The following NIPA2 variants were observed in gnomAD, a reference collection of about 807,000 sequenced individuals.
The protein encoded by NIPA2 is magnesium transporter NIPA2.
NIPA2 carries 11 observed loss-of-function variants against 29.7 expected under a neutral mutation model. The ratio of observed to expected loss-of-function variants is 0.37; its 90% CI spans 0.23 to 0.61. The LOEUF (loss-of-function observed/expected upper bound fraction) is 0.61. Ranked by LOEUF, NIPA2 falls within the 20% of genes least tolerant of loss-of-function variation. NIPA2 has a pLI of 0.66. For synonymous variants in NIPA2, 183 were observed against 161.9 expected, an observed-to-expected ratio of 1.13 and a Z score of -0.99; for missense variants, 426 against 437.9, an observed-to-expected ratio of 0.97 and a Z score of 0.24.
At chr15:22,862,064 T>TTTTTTTTTTTTTA in intron 7 of NIPA2, among the ~76,000 whole-genome samples, 1 of 147,860 alleles carries the variant, frequency 6.8e-6, no homozygotes, top group South Asian at 2.2e-4. Flanking sequence ...TTTTTTTTTT[T>TTTTTTTTTTTTTA]GAGACAGAGT....
At chr15:22,846,584 A>G (rs1898701804) in intron 3 of NIPA2, among the ~76,000 whole-genome samples, 1 of 152,048 alleles carries the variant, frequency 6.6e-6, no homozygotes, top group African/African-American at 2.4e-5. Context: ...AGGCCGAGGC[A>G]GGCAGATCGC....
chr15:22,858,586 A>G lies in NIPA2; in HGVS notation c.243A>G (p.Pro81=), dbSNP rs372592498. Residue 81 remains proline (P), a synonymous_variant, in exon 6 of 8, where the codon CCA becomes CCG. Coordinates refer to ENST00000337451, the MANE Select transcript of NIPA2 (RefSeq NM_030922.7). ...VANFAAYAFA[P]ATLVTPLGAL... is the part of the protein sequence containing the mutation. ...ACTTCGCTGCGTATGCGTTTGCACC[A>G]GCCACTCTAGTGACTCCACTAGGAG... 39 of 1,609,150 alleles carry G rather than the reference A, an allele frequency of 2.4e-5. No individual in the cohort carries two copies. In the African/African-American group the frequency reaches 3.3e-4, roughly 14 times the overall value.
chr15:22,839,518 A>G (rs1474853758), intron 1 of NIPA2, 137 bp from the exon 2 acceptor site: 1 of 152,234 alleles, frequency 6.6e-6, no homozygotes, highest in African/African-American at 2.4e-5. Flanking sequence ...CTGCCTGTCG[A>G]AGCAGTAGTT....
intron 5 of NIPA2, among the ~76,000 whole-genome samples, chr15:22,853,568 GT>G (rs1207759181): frequency 6.6e-6 from 1 of 151,804 alleles, no homozygotes; most frequent in African/African-American, 2.4e-5. Flanking sequence ...TAGAGACGGG[GT>G]TTCACTGTGT....
In NIPA2 at chr15:22,866,736, C is replaced by G. The variant is rs759086925; in HGVS notation, c.972C>G (p.Leu324=). 5.6e-5 allele frequency: 90 copies of G among 1,613,826 alleles called. No homozygotes were observed. Among genetic ancestry groups the G allele is most frequent in the Non-Finnish European group, 7.5e-5 (88 of 1,179,892 alleles). ...RKDEKAMNGN[L]SNMYEVLNNN... ...ACGAGAAAGCAATGAATGGCAATCT[C>G]TCTAATATGTATGAAGTTCTTAATA... The change falls in exon 8 of 8, where the codon CTC becomes CTG. Residue 324 remains leucine, a synonymous_variant. Coordinates refer to ENST00000337451, the MANE Select transcript of NIPA2 (RefSeq NM_030922.7).
At chr15:22,858,508 C>G in intron 5 of NIPA2, 32 bp from the exon 6 acceptor site, 2 of 1,474,754 alleles carry the variant, frequency 1.4e-6, no homozygotes, top group Non-Finnish European at 1.9e-6. Flanking sequence ...TACATTCTTA[C>G]CTGAGTTTTT....
intron 7 of NIPA2, among the ~76,000 whole-genome samples, chr15:22,862,268 G>C (rs185491359): frequency 2.6e-5 from 4 of 151,150 alleles, no homozygotes; most frequent in Admixed American, 2.6e-4. Flanking sequence ...GGCTGGTCTC[G>C]AATTCCTGAC....
At chr15:22,844,343 A>C (rs892483) in intron 2 of NIPA2, among the ~76,000 whole-genome samples, 1 of 151,700 alleles carries the variant, frequency 6.6e-6, no homozygotes, top group South Asian at 2.1e-4. Flanking sequence ...GGCGGATCAC[A>C]AAGTCAGGAG....
chr15:22,848,234 G>A (rs1223416954), intron 3 of NIPA2, among the ~76,000 whole-genome samples: 2 of 152,158 alleles, frequency 1.3e-5, no homozygotes, highest in South Asian at 2.1e-4. Context: ...TTCGTAGTCC[G>A]TATAACCATT....
rs57513456 is a variant in NIPA2, at chr15:22,862,049, C to CTTTTTTTTTTTTT, written c.448+1263_448+1275dup. Among the ~76,000 whole-genome samples the CTTTTTTTTTTTTT allele has an allele frequency of 1.1e-4, 11 of 103,944 alleles. 1 individual carries two copies. The highest frequency in any genetic ancestry group is 7.6e-4 in the East Asian group (2 of 2,620). The allele number at this position is 103,944 out of a possible 152,430, so 68.2% of individuals were successfully genotyped here. A position where few individuals can be genotyped will look rare whatever the true frequency, so the allele number is the denominator to read the frequency against. ...ACCATGCCTCGCCTGATGGGTCTCT[C>CTTTTTTTTTTTTT]TTTTTTTTTTTTTTTGAGACAGAGT... On this transcript the variant is annotated intron_variant, in intron 7 of 7. Transcript: ENST00000337451.
In NIPA2 at chr15:22,866,983, C is replaced by CAA; in HGVS notation, c.*137_*138dup. On this transcript the variant is annotated 3_prime_UTR_variant, in exon 8 of 8. Transcript: ENST00000337451. ...TTTTAAAGATTTCACTAATTTGGACCAAGAAATTACTTTTCTTGTATTTAA... is the reference window on the plus strand; with the variant it reads ...TTTTAAAGATTTCACTAATTTGGACCAAAAGAAATTACTTTTCTTGTATTTAA... 1.2e-6 allele frequency: 1 copy of CAA among 810,220 alleles called. No individual in the cohort carries two copies. Among genetic ancestry groups the CAA allele is most frequent in the Non-Finnish European group, 1.9e-6 (1 of 534,810 alleles). 50.2% of individuals were successfully genotyped at this position (810,220 alleles called of 1,614,324 possible). A position where few individuals can be genotyped will look rare whatever the true frequency, so the allele number is the denominator to read the frequency against.
chr15:22,846,308 T>C (rs1898620167), intron 3 of NIPA2, among the ~76,000 whole-genome samples: 2 of 152,094 alleles, frequency 1.3e-5, no homozygotes, highest in Admixed American at 1.3e-4. Context: ...TGATGAGAAT[T>C]GTTTGGCATC....
chr15:22,846,379 G>A (rs947107968), intron 3 of NIPA2, among the ~76,000 whole-genome samples: 2 of 147,412 alleles, frequency 1.4e-5, no homozygotes, highest in Non-Finnish European at 3.0e-5. Flanking sequence ...AGATGTCAAG[G>A]CAACATGTAA....
In NIPA2 at chr15:22,841,759, G is replaced by A. The variant is rs542500944; in HGVS notation, c.-216+1969G>A. Among the ~76,000 whole-genome samples the A allele has an allele frequency of 4.6e-5, 7 of 152,152 alleles. No individual in the cohort carries two copies. The South Asian group carries it at 1.0e-3, about 23-fold the overall frequency. The stretch of plus-strand genomic sequence containing the variant: ...CCTGACCTCATGATCCACCCGCCTC[G>A]ACCTCCCAAAGTGCTGGGATTATAG... On this transcript the variant is annotated intron_variant, in intron 2 of 7. Coordinates refer to ENST00000337451, the MANE Select transcript of NIPA2 (RefSeq NM_030922.7).
At chr15:22,848,825 CA>C (rs35853443) in intron 3 of NIPA2, among the ~76,000 whole-genome samples, 5,498 of 66,258 alleles carry the variant, frequency 0.083, 123 homozygotes, top group East Asian at 0.28. Flanking sequence ...ACTCTTGTCT[CA>C]AAAAAAAAAA....
intron 6 of NIPA2, among the ~76,000 whole-genome samples, chr15:22,859,514 G>A (rs548324237): frequency 1.3e-5 from 2 of 152,086 alleles, no homozygotes; most frequent in Non-Finnish European, 2.9e-5. Flanking sequence ...GGATGGTCTC[G>A]ATGTCCTGAC....
chr15:22,849,591 G>C (rs954403027), intron 3 of NIPA2, among the ~76,000 whole-genome samples: 4 of 147,046 alleles, frequency 2.7e-5, no homozygotes, highest in Non-Finnish European at 5.9e-5. Flanking sequence ...ATAGAGTCTC[G>C]CTCTGTCGCC....
intron 6 of NIPA2, among the ~76,000 whole-genome samples, chr15:22,859,185 A>T (rs1308801441): frequency 1.3e-5 from 2 of 152,124 alleles, no homozygotes; most frequent in Non-Finnish European, 2.9e-5. Flanking sequence ...AAAAATAAAT[A>T]AATAAAAAAT....
chr15:22,859,742 G>A (rs2058487163), intron 6 of NIPA2, among the ~76,000 whole-genome samples: 1 of 152,084 alleles, frequency 6.6e-6, no homozygotes, highest in Admixed American at 6.6e-5. Flanking sequence ...TAGATTGACT[G>A]ATTTTTATCT....
Sources: gnomAD v4.1 joint callset for allele counts (sites outside exome capture counted in the v4.1 genomes callset) on GRCh38, gnomAD v4.1.1 for gene constraint, MANE v1.5 for transcripts, NCBI Gene and HGNC (gene_info 2026-07-23, HGNC 2026-07-21) for gene names.